The following MFSD12 variants were observed in gnomAD, a reference collection of about 807,000 sequenced individuals.
MFSD12 encodes the protein major facilitator superfamily domain containing 12.
A neutral mutation model predicts 51.2 loss-of-function variants in MFSD12; 67 were observed. The ratio of observed to expected loss-of-function variants is 1.31; its 90% CI spans 1.08 to 1.60. The LOEUF (loss-of-function observed/expected upper bound fraction) is 1.60, where lower values mean the gene tolerates loss of function less well. Ranked by LOEUF, MFSD12 falls within the 40% of genes most tolerant of loss-of-function variation. The probability of loss-of-function intolerance (pLI) is 0.00; values close to 1 mark genes in which losing one functional copy is unlikely to be tolerated. For missense variants in MFSD12, 921 were observed against 673.0 expected (o/e 1.37, Z -4.08); for synonymous variants, 441 against 316.7 (o/e 1.39, Z -4.17).
downstream of MFSD12, chr19:3,542,969 CAAG>C: frequency 6.5e-7 from 1 of 1,546,934 alleles, no homozygotes; most frequent in Non-Finnish European, 8.8e-7. Context: ...CTTCTCCAGG[CAAG>C]AAAAGCTGAG....
chr19:3,543,924 C>CAGAACTA (rs974716247), downstream of MFSD12: 6 of 1,551,034 alleles, frequency 3.9e-6, no homozygotes, highest in Admixed American at 9.8e-5. Context: ...CGGCACCACC[C>CAGAACTA]AGAACTACCG....
In MFSD12 at chr19:3,551,216, G is replaced by A. The variant is rs2031459975; in HGVS notation, c.299-22C>T. 5.8e-6 allele frequency: 9 copies of A among 1,564,720 alleles called. No individual in the cohort carries two copies. The highest frequency in any genetic ancestry group is 2.3e-5 in the East Asian group (1 of 43,174). The stretch of plus-strand genomic sequence containing the variant: ...GTGCCTGTGGAAGGCAGAGTGGTCA[G>A]TCGCGGGGCTGTCCCGCACCAGCCA... On this transcript the variant is annotated intron_variant, in intron 1 of 9. Transcript: ENST00000355415. This position sits in a 1 kb window ranked among gnomAD's most constrained non-coding sequence, Gnocchi z 4.6.
intron 6 of MFSD12, 56 bp downstream of exon 6, chr19:3,547,216 C>T (rs1443444501): frequency 2.2e-5 from 33 of 1,488,580 alleles, no homozygotes; most frequent in Non-Finnish European, 2.7e-5. Flanking sequence ...GGTGGGATCT[C>T]GGCTGCAGGG....
At position 3,551,090 on chromosome 19, in the gene MFSD12, T is replaced by C. The variant is rs775903583; in HGVS notation, c.403A>G (p.Ile135Val). The stretch of plus-strand genomic sequence containing the variant: ...GCCCAGCCAAACTGGAAGATCACGA[T>C]GAACGGGCCGTAGTAGAGGAGGGCA... ...WAALLYYGPF[I>V]VIFQFGWAST... The change falls in exon 2 of 10, where the codon ATC becomes GTC. Residue 135 changes from isoleucine (I) to valine (V), a missense_variant. By Grantham distance (29) the Ile-to-Val change is conservative (BLOSUM62 3). Coordinates refer to ENST00000355415, the MANE Select transcript of MFSD12 (RefSeq NM_174983.5). This position sits in a 1 kb window ranked among gnomAD's most constrained non-coding sequence, Gnocchi z 4.6. 6 of 1,613,042 alleles carry C rather than the reference T, an allele frequency of 3.7e-6. No homozygotes were observed. Among genetic ancestry groups the C allele is most frequent in the Middle Eastern group, 1.7e-4 (1 of 6,036 alleles).
Position 3,546,116 on chromosome 19 carries a change from T to C in MFSD12, c.1247A>G (p.Asn416Ser), listed in dbSNP as rs767741696. The change falls in exon 8 of 10, where the codon AAT becomes AGT. Residue 416 changes from asparagine to serine, a missense_variant. Physicochemically the swap from Asn to Ser is conservative, Grantham distance 46. Coordinates refer to ENST00000355415, the MANE Select transcript of MFSD12 (RefSeq NM_174983.5). ...GSMSFLDKVA[N>S]GLAVMAIQSL... ...CTGGATGGCCATGACTGCCAGCCCATTGGCCACCTTATCCAAGAAGCTCAT... is the reference window on the plus strand; with the variant it reads ...CTGGATGGCCATGACTGCCAGCCCACTGGCCACCTTATCCAAGAAGCTCAT... The C allele has an allele frequency of 1.5e-5, 24 of 1,613,238 alleles. No individual in the cohort carries two copies. In the African/African-American group the frequency reaches 2.1e-4, roughly 14 times the overall value.
chr19:3,553,591 A>G (rs1599840271), intron 1 of MFSD12, among the ~76,000 whole-genome samples: 1 of 150,938 alleles, frequency 6.6e-6, no homozygotes, highest in Admixed American at 6.6e-5. Context: ...ACATGATGAA[A>G]CCCTGTCTCT....
chr19:3,542,963 TCCAGGCAAGAA>T (rs1568249476), downstream of MFSD12: 1 of 1,532,940 alleles, frequency 6.5e-7, no homozygotes, highest in South Asian at 1.1e-5. Context: ...CTCCCTCTTC[TCCAGGCAAGAA>T]AAGCTGAGAA....
intron 4 of MFSD12, chr19:3,539,045 C>T: frequency 1.5e-6 from 1 of 652,988 alleles, no homozygotes; most frequent in Non-Finnish European, 2.8e-6. Flanking sequence ...CCAGCCCTTC[C>T]CTCGAGGCCA....
At chr19:3,539,633 C>A (rs1037605761), downstream of MFSD12, 1 of 231,946 alleles carries the variant, frequency 4.3e-6, no homozygotes, top group East Asian at 8.7e-5. Flanking sequence ...CTCTGGGCAA[C>A]CCCAGGCACT....
In MFSD12 at chr19:3,548,237, G is replaced by A. The variant is rs758641979; in HGVS notation, c.540C>T (p.Thr180=). The change falls in exon 3 of 10, where the codon ACC becomes ACT. Residue 180 remains threonine (T), a synonymous_variant. Transcript: ENST00000355415. ...RYAFTVVANI[T]VYGAAWLLLH... ...GCAGGAGCCAGGCGGCGCCGTAGAC[G>A]GTGATGTTGGCCACCACGGTGAACG... The A allele has an allele frequency of 2.5e-5, 39 of 1,551,374 alleles. No individual in the cohort carries two copies. The Middle Eastern group carries it at 7.1e-4, about 28-fold the overall frequency.
chr19:3,556,702 C>T (rs951810944), intron 1 of MFSD12, among the ~76,000 whole-genome samples: 3 of 148,068 alleles, frequency 2.0e-5, no homozygotes, highest in Non-Finnish European at 3.0e-5. Flanking sequence ...GTCAGACAGA[C>T]GGGGGAGGCT....
rs577318786 is a variant in MFSD12, at chr19:3,544,655, G to T, written c.*55C>A. The T allele has an allele frequency of 1.4e-5, 21 of 1,547,482 alleles. No individual in the cohort carries two copies. The highest frequency in any genetic ancestry group is 1.8e-5 in the Non-Finnish European group (21 of 1,142,052). On this transcript the variant is annotated 3_prime_UTR_variant, in exon 10 of 10. Transcript: ENST00000355415. ...GGGCTTTTCCCCAAGGCCCTGGGGG[G>T]CATCCTCGTGCGTCCCCACAGTTCC...
Position 3,546,241 on chromosome 19 carries a change from G to A in MFSD12, c.1194+14C>T. On this transcript the variant is annotated intron_variant, in intron 7 of 9. Transcript: ENST00000355415. ...ACCCGGCCTCCCCCACCCCAGCCTGGCTACCAGCCCTACCGTGTGGGGACC... is the reference window on the plus strand; with the variant it reads ...ACCCGGCCTCCCCCACCCCAGCCTGACTACCAGCCCTACCGTGTGGGGACC... 1 of 1,606,980 alleles carries A rather than the reference G, an allele frequency of 6.2e-7. No individual in the cohort carries two copies. Among genetic ancestry groups the A allele is most frequent in the Non-Finnish European group, 8.5e-7 (1 of 1,175,826 alleles).
chr19:3,547,446 T>G lies in MFSD12; in HGVS notation c.930+9A>C. 6.2e-7 allele frequency: 1 copy of G among 1,612,650 alleles called. No homozygotes were observed. The highest frequency in any genetic ancestry group is 8.5e-7 in the Non-Finnish European group (1 of 1,179,664). On this transcript the variant is annotated intron_variant, in intron 5 of 9. Coordinates refer to ENST00000355415, the MANE Select transcript of MFSD12 (RefSeq NM_174983.5). ...TCCCATCCCAGCGTCCCCGCCCCAA[T>G]CTGCTCACCTTGGGCAGGTGGAGCG...
chr19:3,540,398 C>T (rs1425734218), downstream of MFSD12, among the ~76,000 whole-genome samples: 1 of 151,754 alleles, frequency 6.6e-6, no homozygotes, highest in Non-Finnish European at 1.5e-5. Context: ...GCTGGGATTA[C>T]AGGCATGCGC....
rs758422582 is a variant in MFSD12 at position 3,547,959 on chromosome 19, C to T, written c.726G>A (p.Arg242=). ...SLLFHLGTRE[R]RRPHAEEPGE... Reference sequence around the variant, plus strand: ...CTGGCTCCTCCGCATGCGGCCGGCGCCTCTCCCGGGTGCCCAGGTGGAATA... The same window carrying T: ...CTGGCTCCTCCGCATGCGGCCGGCGTCTCTCCCGGGTGCCCAGGTGGAATA... Residue 242 remains arginine, a synonymous_variant, in exon 4 of 10, where the codon AGG becomes AGA. Coordinates refer to ENST00000355415, the MANE Select transcript of MFSD12 (RefSeq NM_174983.5). 1.3e-6 allele frequency: 2 copies of T among 1,595,546 alleles called. No individual in the cohort carries two copies. The highest frequency in any genetic ancestry group is 1.7e-6 in the Non-Finnish European group (2 of 1,177,914).
At position 3,547,356 on chromosome 19, in the gene MFSD12, G is replaced by T; in HGVS notation, c.939C>A (p.Ile313=). Residue 313 remains isoleucine, a synonymous_variant, in exon 6 of 10, where the codon ATC becomes ATA. Transcript: ENST00000355415. The part of the protein sequence containing the change: ...TYSLHLPKKF[I]ATIPLVMYLS... ...GGTACATCACCAGGGGAATGGTCGC[G>T]ATGAACTTCTGCGGAGGCAGAGCCA... 2 of 1,613,288 alleles carry T rather than the reference G, an allele frequency of 1.2e-6. No homozygotes were observed. Among genetic ancestry groups the T allele is most frequent in the Non-Finnish European group, 1.7e-6 (2 of 1,179,952 alleles).
downstream of MFSD12, chr19:3,539,823 A>G (rs2030211330): frequency 6.5e-6 from 1 of 153,388 alleles, no homozygotes; most frequent in Non-Finnish European, 1.5e-5. Flanking sequence ...GGCTCTGGGC[A>G]GATGTGATTT....
chr19:3,549,738 A>AAAAAGCC (rs1555698273), intron 2 of MFSD12, among the ~76,000 whole-genome samples: 1 of 140,026 alleles, frequency 7.1e-6, no homozygotes, highest in African/African-American at 2.7e-5. Context: ...AAAAAAAAAA[A>AAAAAGCC]AAAAGCCAGG....
Sources: gnomAD v4.1 joint callset for allele counts (sites outside exome capture counted in the v4.1 genomes callset) on GRCh38, gnomAD v4.1.1 for gene constraint, Gnocchi (gnomAD v3.1) non-coding constraint, MANE v1.5 for transcripts, NCBI Gene and HGNC (gene_info 2026-07-23, HGNC 2026-07-21) for gene names.